Variants in CTNND2 observed in about 807,000 individuals in gnomAD.
CTNND2 encodes catenin delta 2.
Under a neutral mutation model 144.4 loss-of-function variants are expected in CTNND2, and 22 were observed. The observed-to-expected ratio is 0.15, with a 90% confidence interval of 0.11 to 0.22. The LOEUF is 0.22. CTNND2 is among the 10% of genes least tolerant of loss of function. CTNND2 has a pLI of 1.00. For synonymous variants in CTNND2, 751 were observed against 695.6 expected (o/e 1.08, Z -1.25); for missense variants, 1,353 against 1,618.8 (o/e 0.84, Z 2.82).
chr5:11,677,795 T>G (rs1784244508), intron 2 of CTNND2, among the ~76,000 whole-genome samples: 1 of 152,164 alleles, frequency 6.6e-6, no homozygotes, highest in Admixed American at 6.5e-5. Flanking sequence ...AACACCTAGA[T>G]TTCATCAGTG....
At chr5:11,453,162 T>TCCC (rs1336484961) in intron 3 of CTNND2, among the ~76,000 whole-genome samples, 1 of 152,174 alleles carries the variant, frequency 6.6e-6, no homozygotes, top group Non-Finnish European at 1.5e-5. Flanking sequence ...TCAAAACCTG[T>TCCC]CCCCTCTGCA....
chr5:11,161,825 A>C (rs1000100206), intron 11 of CTNND2, among the ~76,000 whole-genome samples: 11 of 152,142 alleles, frequency 7.2e-5, no homozygotes, highest in African/African-American at 2.7e-4. Context: ...AATATGGGTG[A>C]CATATTTTGC....
chr5:11,432,298 C>A (rs1476340974), intron 3 of CTNND2, among the ~76,000 whole-genome samples: 1 of 150,574 alleles, frequency 6.6e-6, no homozygotes, highest in Non-Finnish European at 1.5e-5. Context: ...AAAAAGAGAC[C>A]CAAATTGTAT....
chr5:11,240,309 TACACCCAACACA>T (rs1742142690), intron 9 of CTNND2, among the ~76,000 whole-genome samples: 1 of 22,604 alleles, frequency 4.4e-5, no homozygotes, highest in Non-Finnish European at 8.5e-5. Context: ...CCAACACACA[TACACCCAACACA>T]CACACACCCA....
At chr5:10,991,395 A>C (rs1738662571) in intron 19 of CTNND2, among the ~76,000 whole-genome samples, 2 of 152,240 alleles carry the variant, frequency 1.3e-5, no homozygotes, top group Non-Finnish European at 2.9e-5. Flanking sequence ...TTCATAAATA[A>C]GAGCCTACAT....
At chr5:11,065,680 C>T (rs901103088) in intron 16 of CTNND2, among the ~76,000 whole-genome samples, 1 of 152,206 alleles carries the variant, frequency 6.6e-6, no homozygotes. Context: ...GCCCTACAAA[C>T]CATAAATTCT....
In CTNND2 at chr5:11,337,484, C is replaced by T. The variant is rs569926893; in HGVS notation, c.1628+8888G>A. 1.4e-4 allele frequency among the ~76,000 whole-genome samples: 22 copies of T among 152,278 alleles called. No individual in the cohort carries two copies. In the South Asian group the frequency reaches 4.6e-3, roughly 32 times the overall value. On this transcript the variant is annotated intron_variant, in intron 9 of 21. Transcript: ENST00000304623. ...ATATCTGTTTCATCACAAAATGGTA[C>T]AAGGAACAATTCCACCTGCAAGACC...
chr5:11,511,077 C>T (rs771362582), intron 3 of CTNND2, among the ~76,000 whole-genome samples: 6 of 152,138 alleles, frequency 3.9e-5, no homozygotes, highest in Non-Finnish European at 7.4e-5. Flanking sequence ...TAACTGTATG[C>T]TAATGAGGCC....
chr5:11,811,766 C>T (rs940564930), intron 1 of CTNND2, among the ~76,000 whole-genome samples: 6 of 152,120 alleles, frequency 3.9e-5, no homozygotes, highest in African/African-American at 9.7e-5. Flanking sequence ...TCTACCGTTG[C>T]TTTATAATGT....
At chr5:11,479,983 C>T (rs1269695924) in intron 3 of CTNND2, among the ~76,000 whole-genome samples, 1 of 152,112 alleles carries the variant, frequency 6.6e-6, no homozygotes, top group African/African-American at 2.4e-5. Context: ...CTGATAGTTT[C>T]TTTTGCTGTG....
chr5:11,841,523 T>C (rs545374931), intron 1 of CTNND2, among the ~76,000 whole-genome samples: 1 of 152,290 alleles, frequency 6.6e-6, no homozygotes, highest in African/African-American at 2.4e-5. Context: ...GGAACTTTTA[T>C]TTAGATTGAA....
intron 9 of CTNND2, among the ~76,000 whole-genome samples, chr5:11,304,483 A>G (rs1749971032): frequency 6.6e-6 from 1 of 152,204 alleles, no homozygotes; most frequent in Non-Finnish European, 1.5e-5. Flanking sequence ...TCATTCCTAG[A>G]TGTATCCAGG....
At chr5:11,484,980 T>C (rs1044756529) in intron 3 of CTNND2, among the ~76,000 whole-genome samples, 11 of 152,168 alleles carry the variant, frequency 7.2e-5, no homozygotes, top group African/African-American at 2.7e-4. Flanking sequence ...GATTATATCA[T>C]ATACTTAGGA....
At chr5:11,730,616 A>G (rs1787334356) in intron 2 of CTNND2, among the ~76,000 whole-genome samples, 1 of 152,188 alleles carries the variant, frequency 6.6e-6, no homozygotes, top group Non-Finnish European at 1.5e-5. Context: ...AAATAGTTTG[A>G]TCCAGTTTGC....
intron 9 of CTNND2, among the ~76,000 whole-genome samples, chr5:11,333,546 T>C (rs1437117094): frequency 1.3e-5 from 2 of 152,216 alleles, no homozygotes; most frequent in Non-Finnish European, 2.9e-5. Context: ...GAAAGATGGA[T>C]AGTTTTGTGA....
chr5:11,883,872 G>T (rs1736318460), intron 1 of CTNND2, among the ~76,000 whole-genome samples: 1 of 152,042 alleles, frequency 6.6e-6, no homozygotes, highest in African/African-American at 2.4e-5. Context: ...TGATCGCCAT[G>T]CTAACTGGCA....
intron 16 of CTNND2, among the ~76,000 whole-genome samples, chr5:11,081,097 C>CAT (rs762195248): frequency 1.3e-5 from 2 of 151,716 alleles, no homozygotes; most frequent in Admixed American, 6.6e-5. Flanking sequence ...CACACACACA[C>CAT]ACACACACAC....
intron 5 of CTNND2, among the ~76,000 whole-genome samples, chr5:11,404,732 C>G (rs1760948713): frequency 1.3e-5 from 2 of 148,790 alleles, no homozygotes; most frequent in Admixed American, 6.9e-5. Context: ...ATTCTCCTGC[C>G]TCAGCCTCTC....
intron 9 of CTNND2, among the ~76,000 whole-genome samples, chr5:11,256,982 T>C (rs974147963): frequency 2.6e-5 from 4 of 152,152 alleles, no homozygotes; most frequent in African/African-American, 9.7e-5. Context: ...GTCCAGACAT[T>C]GTCAAATGTC....
Sources: gnomAD v4.1 joint callset for allele counts (sites outside exome capture counted in the v4.1 genomes callset) on GRCh38, gnomAD v4.1.1 for gene constraint, MANE v1.5 for transcripts, NCBI Gene and HGNC (gene_info 2026-07-23, HGNC 2026-07-21) for gene names.